Variants in LRBA observed in about 807,000 individuals in gnomAD.
The protein encoded by LRBA is lipopolysaccharide-responsive and beige-like anchor protein.
LRBA carries 176 observed loss-of-function variants against 330.0 expected under a neutral mutation model. The ratio of observed to expected loss-of-function variants is 0.53; its 90% CI spans 0.47 to 0.60. LRBA has a LOEUF of 0.60. Among genes scored for constraint, LRBA ranks in the 20% least tolerant of loss-of-function variants. The pLI, the probability that LRBA is intolerant of heterozygous loss-of-function variation, is 0.00. For missense variants in LRBA, 3,259 were observed against 3,444.8 expected, an observed-to-expected ratio of 0.95 and a Z score of 1.35; for synonymous variants, 1,230 against 1,193.0, an observed-to-expected ratio of 1.03 and a Z score of -0.64.
chr4:150,491,091 T>C (rs1021165560), intron 40 of LRBA, 56 bp from the exon 41 acceptor site: 13 of 798,454 alleles, frequency 1.6e-5, no homozygotes, highest in Non-Finnish European at 2.5e-5. Context: ...TTTGTTGTTG[T>C]TTCTTTCCCC....
intron 2 of LRBA, among the ~76,000 whole-genome samples, chr4:151,008,988 A>AAAAAAAAAATAT (rs1554018903): frequency 1.8e-4 from 1 of 5,534 alleles, no homozygotes; most frequent in African/African-American, 4.6e-4. Flanking sequence ...AAAAAAAAAA[A>AAAAAAAAAATAT]ATATATATAT....
chr4:150,787,272 C>T (rs1739221554), intron 34 of LRBA, among the ~76,000 whole-genome samples: 1 of 151,856 alleles, frequency 6.6e-6, no homozygotes, highest in Non-Finnish European at 1.5e-5. Flanking sequence ...TTACAACCTA[C>T]TTTGCTCTGT....
intron 2 of LRBA, among the ~76,000 whole-genome samples, chr4:150,991,983 C>T (rs994763854): frequency 1.3e-5 from 2 of 152,040 alleles, no homozygotes; most frequent in Non-Finnish European, 2.9e-5. Context: ...CAGAGTGAGG[C>T]AAAGGATTCT....
chr4:150,882,279 T>C (rs1240351023), intron 17 of LRBA, among the ~76,000 whole-genome samples: 1 of 152,202 alleles, frequency 6.6e-6, no homozygotes, highest in African/African-American at 2.4e-5. Flanking sequence ...AGAATCAAAC[T>C]AGTTTATCTG....
intron 28 of LRBA, chr4:150,840,697 A>G (rs1197858497): frequency 6.3e-6 from 1 of 159,866 alleles, no homozygotes; most frequent in African/African-American, 2.4e-5. Flanking sequence ...TATTGTAAGA[A>G]TTACCAATAT....
At chr4:150,512,369 G>A (rs1041121912) in intron 40 of LRBA, among the ~76,000 whole-genome samples, 3 of 152,198 alleles carry the variant, frequency 2.0e-5, no homozygotes, top group Non-Finnish European at 4.4e-5. Flanking sequence ...AAAAGTGAGT[G>A]TTATGAACTG....
At chr4:150,718,563 G>A (rs1728538999) in intron 36 of LRBA, among the ~76,000 whole-genome samples, 1 of 152,004 alleles carries the variant, frequency 6.6e-6, no homozygotes, top group Non-Finnish European at 1.5e-5. Context: ...AAAGGGTAAA[G>A]ACTAGCAGAC....
At chr4:150,705,431 T>C (rs1371311631) in intron 36 of LRBA, among the ~76,000 whole-genome samples, 1 of 151,994 alleles carries the variant, frequency 6.6e-6, no homozygotes, top group Non-Finnish European at 1.5e-5. Flanking sequence ...GTAATTCCAA[T>C]GCTACCCACC....
Position 150,583,307 on chromosome 4 carries a change from C to A in LRBA, c.6330+4741G>T, listed in dbSNP as rs752541709. 3 of 1,614,084 alleles carry A rather than the reference C, an allele frequency of 1.9e-6. No homozygotes were observed. The highest frequency in any genetic ancestry group is 2.5e-6 in the Non-Finnish European group (3 of 1,180,044). On this transcript the variant is annotated intron_variant, in intron 40 of 56. Transcript: ENST00000651943. The surrounding 1 kb of genome is among the most constrained non-coding windows in gnomAD (Gnocchi z 9.8). Reference sequence around the variant, plus strand: ...GTCTTCAACTTCGTGGACGACGGCTCGCTGCCCGGCTGCGCAGTGCTCAAA... The same window carrying A: ...GTCTTCAACTTCGTGGACGACGGCTAGCTGCCCGGCTGCGCAGTGCTCAAA...
chr4:150,937,774 A>G (rs1043650589), intron 2 of LRBA, among the ~76,000 whole-genome samples: 1 of 152,182 alleles, frequency 6.6e-6, no homozygotes, highest in Admixed American at 6.5e-5. Flanking sequence ...ATAAACCTTT[A>G]TAAGTTTTGT....
At chr4:150,650,722 A>G (rs1779626909) in intron 37 of LRBA, among the ~76,000 whole-genome samples, 1 of 152,176 alleles carries the variant, frequency 6.6e-6, no homozygotes, top group African/African-American at 2.4e-5. Context: ...TATGTTGGTA[A>G]AACTGAAATT....
At chr4:150,371,241 G>A (rs995667954) in intron 47 of LRBA, among the ~76,000 whole-genome samples, 5 of 120,758 alleles carry the variant, frequency 4.1e-5, no homozygotes, top group Admixed American at 2.3e-4. Flanking sequence ...CACCCAGCCT[G>A]CAGTGCAGTG....
intron 26 of LRBA, among the ~76,000 whole-genome samples, chr4:150,846,175 C>T (rs1749812831): frequency 6.6e-6 from 1 of 152,128 alleles, no homozygotes; most frequent in Non-Finnish European, 1.5e-5. Context: ...ATTGTATGTT[C>T]TCACTTATAA....
chr4:151,004,382 G>C (rs1405910949), intron 2 of LRBA, among the ~76,000 whole-genome samples: 1 of 152,176 alleles, frequency 6.6e-6, no homozygotes, highest in Non-Finnish European at 1.5e-5. Flanking sequence ...TGATAACGGA[G>C]ACGGCAACTG....
intron 40 of LRBA, among the ~76,000 whole-genome samples, chr4:150,539,136 C>T (rs187682366): frequency 9.3e-4 from 141 of 152,108 alleles, no homozygotes; most frequent in Non-Finnish European, 1.3e-3. Flanking sequence ...CCACCATGCC[C>T]GGCTAATTTT....
At chr4:150,391,791 C>T (rs1320268523) in intron 47 of LRBA, among the ~76,000 whole-genome samples, 1 of 151,916 alleles carries the variant, frequency 6.6e-6, no homozygotes, top group African/African-American at 2.4e-5. Context: ...TCTCTTCTAC[C>T]TTCTAAATAT....
At chr4:150,590,064 A>G (rs1772613768) in intron 39 of LRBA, among the ~76,000 whole-genome samples, 1 of 152,236 alleles carries the variant, frequency 6.6e-6, no homozygotes, top group Non-Finnish European at 1.5e-5. Flanking sequence ...TATTGAAATT[A>G]TAGAACCTTT....
chr4:150,538,848 G>A (rs1346545604), intron 40 of LRBA, among the ~76,000 whole-genome samples: 1 of 151,500 alleles, frequency 6.6e-6, no homozygotes, highest in African/African-American at 2.4e-5. Flanking sequence ...CTACCTATTG[G>A]GTATTATGCT....
chr4:150,584,258 G>C, intron 40 of LRBA: 1 of 888,882 alleles, frequency 1.1e-6, no homozygotes, highest in Admixed American at 3.6e-5. Flanking sequence ...TAATTAAGAA[G>C]CAAACAAAAA....
Sources: allele counts gnomAD v4.1 joint callset (sites outside exome capture counted in the v4.1 genomes callset), GRCh38; gene constraint gnomAD v4.1.1; non-coding constraint Gnocchi (gnomAD v3.1); transcripts MANE v1.5; gene names NCBI Gene and HGNC (gene_info 2026-07-23, HGNC 2026-07-21).